SMC5: variants seen among roughly 807,000 people sequenced by gnomAD.
SMC5 encodes the protein structural maintenance of chromosomes protein 5.
A neutral mutation model predicts 148.3 loss-of-function variants in SMC5; 88 were observed. The ratio of observed to expected loss-of-function variants is 0.59; its 90% confidence interval spans 0.50 to 0.71. SMC5 has a LOEUF of 0.71. Among genes scored for constraint, SMC5 ranks in the 30% least tolerant of loss-of-function variants. The probability of loss-of-function intolerance (pLI) is 0.00; values close to 1 mark genes in which losing one functional copy is unlikely to be tolerated. For missense variants in SMC5, 1,142 were observed against 1,298.9 expected (o/e 0.88, Z 1.86); for synonymous variants, 421 against 432.8 (o/e 0.97, Z 0.34).
intron 1 of SMC5, 119 bp from the exon 2 acceptor site, chr9:70,264,185 C>T: frequency 3.6e-6 from 3 of 842,080 alleles, no homozygotes; most frequent in Non-Finnish European, 5.1e-6. Flanking sequence ...TATAAAAAAA[C>T]ATTAAATTTG....
At chr9:70,276,140 T>A (rs751155655) in intron 3 of SMC5, among the ~76,000 whole-genome samples, 2 of 152,240 alleles carry the variant, frequency 1.3e-5, no homozygotes, top group Non-Finnish European at 2.9e-5. Flanking sequence ...TGTACAGAAT[T>A]CTCAGCTTGT....
At chr9:70,268,904 T>C (rs1230699164) in intron 3 of SMC5, among the ~76,000 whole-genome samples, 1 of 152,214 alleles carries the variant, frequency 6.6e-6, no homozygotes, top group Non-Finnish European at 1.5e-5. Flanking sequence ...GAGTTGATGT[T>C]TATGATGAAA....
In SMC5 at chr9:70,278,544, T is replaced by C; in HGVS notation, c.597T>C (p.Thr199=). ...KLSKIELLEA[T]EKSIGPPEMH... ...GCAAAATTGAACTCCTCGAAGCCACTGAAAAGTCAATTGGTCCCCCAGAAA... is the reference window on the plus strand; with the variant it reads ...GCAAAATTGAACTCCTCGAAGCCACCGAAAAGTCAATTGGTCCCCCAGAAA... Residue 199 remains threonine, a synonymous_variant, in exon 5 of 25, where the codon ACT becomes ACC. Transcript: ENST00000361138. The C allele has an allele frequency of 6.2e-7, 1 of 1,612,408 alleles. No individual in the cohort carries two copies. The highest frequency in any genetic ancestry group is 2.2e-5 in the East Asian group (1 of 44,758).
chr9:70,306,428 A>G (rs1472191050), intron 11 of SMC5, among the ~76,000 whole-genome samples: 1 of 152,176 alleles, frequency 6.6e-6, no homozygotes. Context: ...AGGTGACTGG[A>G]TAAAAAGGTT....
At chr9:70,303,248 CAAT>C (rs2035407749) in intron 10 of SMC5, among the ~76,000 whole-genome samples, 1 of 149,554 alleles carries the variant, frequency 6.7e-6, no homozygotes, top group Non-Finnish European at 1.5e-5. Context: ...AAAAAAAAAA[CAAT>C]ACAGTCTGGG....
chr9:70,328,882 TC>T (rs1205846431), intron 17 of SMC5, among the ~76,000 whole-genome samples: 1 of 152,108 alleles, frequency 6.6e-6, no homozygotes, highest in Non-Finnish European at 1.5e-5. Flanking sequence ...AAGCAGAGTC[TC>T]CCCCAAACCT....
At chr9:70,259,948 CTT>C (rs1409704215) in intron 1 of SMC5, among the ~76,000 whole-genome samples, 1 of 110,296 alleles carries the variant, frequency 9.1e-6, no homozygotes, top group Non-Finnish European at 2.0e-5. Context: ...TTTTTTTCCT[CTT>C]TTTTTTTGAG....
At chr9:70,274,430 C>T (rs2034533914) in intron 3 of SMC5, among the ~76,000 whole-genome samples, 1 of 150,794 alleles carries the variant, frequency 6.6e-6, no homozygotes, top group African/African-American at 2.4e-5. Flanking sequence ...TTTCTTTTGC[C>T]TTAAAGTCCG....
At position 70,300,090 on chromosome 9, in the gene SMC5, A is replaced by T; in HGVS notation, c.1354A>T (p.Lys452Ter). 20 of 1,598,538 alleles carry T rather than the reference A, an allele frequency of 1.3e-5. No homozygotes were observed. Among genetic ancestry groups the T allele is most frequent in the Non-Finnish European group, 1.6e-5 (19 of 1,176,094 alleles). ...ACGTTTTGACAATCTTATGAATCAG[A>T]AGGAAGATAAGCTAAGACAGAGATT... ...IVRFDNLMNQ[K>*]EDKLRQRFRD... Residue 452 changes from lysine (K) to a stop codon, truncating the protein, a stop_gained, in exon 10 of 25, where the codon AAG becomes TAG. Coordinates refer to ENST00000361138, the MANE Select transcript of SMC5 (RefSeq NM_015110.4). LOFTEE classifies it high-confidence loss of function.
intron 17 of SMC5, among the ~76,000 whole-genome samples, chr9:70,338,070 G>A (rs1046385906): frequency 4.0e-5 from 6 of 151,860 alleles, no homozygotes; most frequent in Non-Finnish European, 8.8e-5. Context: ...GCTGAAGTGC[G>A]GTGGCATGGT....
chr9:70,317,260 T>G (rs80123622), intron 13 of SMC5, among the ~76,000 whole-genome samples: 4,910 of 152,224 alleles, frequency 0.032, 263 homozygotes, highest in African/African-American at 0.11. Flanking sequence ...TATGTTTTCT[T>G]TTATTATTAA....
chr9:70,327,289 A>G (rs2036105305), intron 17 of SMC5, among the ~76,000 whole-genome samples: 1 of 152,238 alleles, frequency 6.6e-6, no homozygotes, highest in Non-Finnish European at 1.5e-5. Flanking sequence ...TTGGTTATCA[A>G]CAGGACCCAG....
chr9:70,289,804 G>A (rs2035010550), intron 8 of SMC5, among the ~76,000 whole-genome samples: 1 of 151,598 alleles, frequency 6.6e-6, no homozygotes, highest in African/African-American at 2.4e-5. Context: ...AAAAAAATTA[G>A]GAAGCTTATA....
chr9:70,332,601 C>G (rs2036247907), intron 17 of SMC5, among the ~76,000 whole-genome samples: 1 of 151,060 alleles, frequency 6.6e-6, no homozygotes, highest in Non-Finnish European at 1.5e-5. Flanking sequence ...GGGAATACTT[C>G]TTGAAGCATT....
At chr9:70,291,401 C>T (rs1056482693) in intron 8 of SMC5, among the ~76,000 whole-genome samples, 6 of 152,138 alleles carry the variant, frequency 3.9e-5, no homozygotes, top group South Asian at 2.1e-4. Flanking sequence ...TCTCAGCCTT[C>T]GCTTCCTATT....
chr9:70,346,493 G>A, intron 18 of SMC5, 112 bp from the exon 19 acceptor site: 2 of 1,038,704 alleles, frequency 1.9e-6, no homozygotes. Flanking sequence ...AACTGTCAAA[G>A]TAATTAGATT....
chr9:70,314,320 A>T (rs2035739376), intron 11 of SMC5, among the ~76,000 whole-genome samples: 1 of 152,166 alleles, frequency 6.6e-6, no homozygotes. Context: ...ATTCTTTCAG[A>T]TGTCAACTCC....
At chr9:70,335,300 C>T (rs1193860705) in intron 17 of SMC5, among the ~76,000 whole-genome samples, 11 of 152,060 alleles carry the variant, frequency 7.2e-5, no homozygotes, top group Admixed American at 7.2e-4. Context: ...CCAGCCTGGG[C>T]AACATAGCAA....
intron 15 of SMC5, 29 bp from the exon 16 acceptor site, chr9:70,323,454 A>G (rs568047661): frequency 6.4e-7 from 1 of 1,562,678 alleles, no homozygotes; most frequent in South Asian, 1.2e-5. Context: ...TTTAACACTG[A>G]TTTCTTCATT....
Sources: allele counts gnomAD v4.1 joint callset (sites outside exome capture counted in the v4.1 genomes callset), GRCh38; gene constraint gnomAD v4.1.1; transcripts MANE v1.5; gene names NCBI Gene and HGNC (gene_info 2026-07-23, HGNC 2026-07-21).